The following KIAA1549 variants were observed in gnomAD, a reference collection of about 807,000 sequenced individuals.
The protein encoded by KIAA1549 is UPF0606 protein KIAA1549.
In KIAA1549, 70 loss-of-function variants were observed where a neutral mutation model predicts 156.4. That is an observed-to-expected ratio of 0.45 (90% CI 0.37 to 0.55). The LOEUF (loss-of-function observed/expected upper bound fraction) is 0.55. Ranked by LOEUF, KIAA1549 falls within the 20% of genes least tolerant of loss-of-function variation. KIAA1549 has a pLI of 0.00. For missense variants in KIAA1549, 2,428 were observed against 2,540.9 expected, an observed-to-expected ratio of 0.96 and a Z score of 0.96; for synonymous variants, 1,103 against 1,066.4, an observed-to-expected ratio of 1.03 and a Z score of -0.67.
chr7:138,962,997 G>GGA (rs1563095625), intron 1 of KIAA1549, among the ~76,000 whole-genome samples: 1 of 152,016 alleles, frequency 6.6e-6, no homozygotes, highest in African/African-American at 2.4e-5. Flanking sequence ...AGTCACTTAC[G>GGA]TACAGAACAA....
rs902111883 is a variant in KIAA1549, at chr7:138,833,400, G to A, written c.*4506C>T. On this transcript the variant is annotated 3_prime_UTR_variant, in exon 20 of 20. Coordinates refer to ENST00000422774, the MANE Select transcript of KIAA1549 (RefSeq NM_001164665.2). The stretch of plus-strand genomic sequence containing the variant: ...TGGAACACTTAGAAAAAAGTTGTGC[G>A]AAAGAAGGAACGCTGAACCTGTCCA... 15 of 232,346 alleles carry A rather than the reference G, an allele frequency of 6.5e-5. No individual in the cohort carries two copies. The highest frequency in any genetic ancestry group is 1.1e-4 in the Non-Finnish European group (13 of 117,628). 14.4% of individuals were successfully genotyped at this position (232,346 alleles called of 1,614,324 possible).
chr7:138,902,831 A>C (rs1430495059), intron 8 of KIAA1549, among the ~76,000 whole-genome samples: 1 of 152,000 alleles, frequency 6.6e-6, no homozygotes, highest in African/African-American at 2.4e-5. Context: ...AGAAAGAAAA[A>C]AGCTCAAGTG....
At chr7:138,854,743 T>C (rs140056652) in intron 16 of KIAA1549, among the ~76,000 whole-genome samples, 76 of 152,104 alleles carry the variant, frequency 5.0e-4, no homozygotes, top group African/African-American at 1.4e-3. Flanking sequence ...ACATCAAAAG[T>C]CCACAATGAG....
chr7:138,861,229 G>A lies in KIAA1549; in HGVS notation c.5157C>T (p.Pro1719=), dbSNP rs148849089. 6,865 of 1,613,092 alleles carry A rather than the reference G, an allele frequency of 4.3e-3. 23 individuals carry two copies. The highest frequency in any genetic ancestry group is 5.4e-3 in the Non-Finnish European group (6,377 of 1,179,718). Residue 1719 remains proline (P), a synonymous_variant, in exon 16 of 20, where the codon CCC becomes CCT. Coordinates refer to ENST00000422774, the MANE Select transcript of KIAA1549 (RefSeq NM_001164665.2). The part of the protein sequence containing the change: ...GVGPGVPPGL[P]ANSTPSQEER... ...CTTCCTGGGAAGGGGTGCTGTTTGC[G>A]GGCAGGCCGGGTGGGACTCCGGGGC...
chr7:138,917,343 G>C lies in KIAA1549; in HGVS notation c.2283C>G (p.Ser761=), dbSNP rs1464636533. The change falls in exon 2 of 20, where the codon TCC becomes TCG. Residue 761 remains serine (S), a synonymous_variant. Coordinates refer to ENST00000422774, the MANE Select transcript of KIAA1549 (RefSeq NM_001164665.2). ...TTSYLESSLI[S]HESAVTALVP... Reference sequence around the variant, plus strand: ...CCAGTGCAGTGACTGCGGATTCATGGGAAATGAGTGAAGACTCAAGATAGG... The same window carrying C: ...CCAGTGCAGTGACTGCGGATTCATGCGAAATGAGTGAAGACTCAAGATAGG... The C allele has an allele frequency of 3.1e-6, 5 of 1,613,796 alleles. No homozygotes were observed. The African/African-American group carries it at 5.3e-5, about 17-fold the overall frequency.
intron 1 of KIAA1549, among the ~76,000 whole-genome samples, chr7:138,972,542 C>T (rs1814250271): frequency 6.6e-6 from 1 of 151,992 alleles, no homozygotes; most frequent in East Asian, 1.9e-4. Flanking sequence ...CCATCCCTGA[C>T]TCGGGCCAAT....
chr7:138,949,593 C>A (rs1295314698), intron 1 of KIAA1549, among the ~76,000 whole-genome samples: 2 of 152,120 alleles, frequency 1.3e-5, no homozygotes, highest in African/African-American at 4.8e-5. Flanking sequence ...TCCACAAACA[C>A]CTAAACCAGT....
chr7:138,875,703 G>C (rs900625559), intron 12 of KIAA1549, among the ~76,000 whole-genome samples: 4 of 152,214 alleles, frequency 2.6e-5, no homozygotes, highest in African/African-American at 9.6e-5. Context: ...CAGAATGAAA[G>C]AGAATAGTTC....
rs761190133 is a variant in KIAA1549, at chr7:138,907,071, A to G, written c.3308T>C (p.Val1103Ala). ...ILNITISSSR[V>A]TPRRGPVNII... ...ATTCACCGGGCCCCGCCGAGGAGTC[A>G]CCCTTGAGGAACTGATGGTGATATT... Residue 1103 changes from valine to alanine, a missense_variant, in exon 6 of 20, where the codon GTG becomes GCG. Val to Ala is a moderately conservative substitution (Grantham distance 64, BLOSUM62 0). Around this residue, in one of 5 missense-constraint regions of KIAA1549, gnomAD observed 762 missense variants for 901.6 expected, o/e 0.85. Coordinates refer to ENST00000422774, the MANE Select transcript of KIAA1549 (RefSeq NM_001164665.2). 6.2e-7 allele frequency: 1 copy of G among 1,605,924 alleles called. No homozygotes were observed. Among genetic ancestry groups the G allele is most frequent in the East Asian group, 2.2e-5 (1 of 44,710 alleles).
rs1809546903 is a variant in KIAA1549, at chr7:138,832,026, C to T, written c.*5880G>A. The stretch of plus-strand genomic sequence containing the variant: ...GACTTGAACTTGGCCCTGTACTATT[C>T]CCAACTTGTACACTTAGGGAGTCAA... On this transcript the variant is annotated 3_prime_UTR_variant, in exon 20 of 20. Transcript: ENST00000422774. 1 of 231,332 alleles carries T rather than the reference C, an allele frequency of 4.3e-6. No individual in the cohort carries two copies. The highest frequency in any genetic ancestry group is 2.2e-5 in the African/African-American group (1 of 45,192). The allele number at this position is 231,332 out of a possible 1,614,324, so 14.3% of individuals were successfully genotyped here.
chr7:138,884,244 G>A (rs1487488045), intron 10 of KIAA1549, among the ~76,000 whole-genome samples: 1 of 151,180 alleles, frequency 6.6e-6, no homozygotes, highest in Non-Finnish European at 1.5e-5. Context: ...CTGTACCCCC[G>A]ATTCCCCCCA....
intron 1 of KIAA1549, among the ~76,000 whole-genome samples, chr7:138,951,949 G>A (rs151135647): frequency 4.1e-4 from 63 of 152,232 alleles, no homozygotes; most frequent in African/African-American, 1.4e-3. Flanking sequence ...TAAAAGAATC[G>A]CCTCTGGAAT....
chr7:138,919,044 G>A lies in KIAA1549; in HGVS notation c.582C>T (p.Leu194=). 2 of 1,614,020 alleles carry A rather than the reference G, an allele frequency of 1.2e-6. No individual in the cohort carries two copies. The highest frequency in any genetic ancestry group is 1.7e-6 in the Non-Finnish European group (2 of 1,179,900). ...GLPREALEPM[L]TPSLPMVSLQ... is the part of the protein sequence containing the mutation. ...AAGAAACCATGGGTAATGATGGAGT[G>A]AGCATAGGTTCTAATGCTTCCCTGG... Residue 194 remains leucine, a synonymous_variant, in exon 2 of 20, where the codon CTC becomes CTT. Coordinates refer to ENST00000422774, the MANE Select transcript of KIAA1549 (RefSeq NM_001164665.2).
At chr7:138,923,616 AG>A in intron 1 of KIAA1549, among the ~76,000 whole-genome samples, 1 of 151,458 alleles carries the variant, frequency 6.6e-6, no homozygotes, top group African/African-American at 2.4e-5. Flanking sequence ...AAAAAAAAAA[AG>A]ATAAATATAT....
chr7:138,884,737 T>C (rs1220634963), intron 10 of KIAA1549, among the ~76,000 whole-genome samples: 1 of 152,256 alleles, frequency 6.6e-6, no homozygotes, highest in African/African-American at 2.4e-5. Flanking sequence ...GAAGTGACTT[T>C]CGGTCTTTAG....
intron 1 of KIAA1549, among the ~76,000 whole-genome samples, chr7:138,941,245 A>T (rs1480639652): frequency 6.6e-6 from 1 of 152,184 alleles, no homozygotes. Context: ...CCATTCTTTA[A>T]AAAGATTACA....
At chr7:138,961,816 T>C (rs1417549174) in intron 1 of KIAA1549, among the ~76,000 whole-genome samples, 3 of 130,762 alleles carry the variant, frequency 2.3e-5, no homozygotes, top group African/African-American at 8.9e-5. Flanking sequence ...CACTCCAGCC[T>C]AGGTGACAGA....
intron 1 of KIAA1549, among the ~76,000 whole-genome samples, chr7:138,960,286 A>ATTTT (rs1813799042): frequency 7.3e-6 from 1 of 137,402 alleles, no homozygotes; most frequent in African/African-American, 3.1e-5. Context: ...AATAAATTTT[A>ATTTT]TTTTATTGAT....
chr7:138,919,569 G>T, intron 1 of KIAA1549, 131 bp from the exon 2 acceptor site: 1 of 1,430,030 alleles, frequency 7.0e-7, no homozygotes. Context: ...ATCACCGTCA[G>T]AAGTTAAACA....
Sources: gnomAD v4.1 joint callset for allele counts (sites outside exome capture counted in the v4.1 genomes callset) on GRCh38, gnomAD v4.1.1 for gene constraint, gnomAD v4.1.1 regional missense constraint, MANE v1.5 for transcripts, NCBI Gene and HGNC (gene_info 2026-07-23, HGNC 2026-07-21) for gene names.